Variants in KPNA7 observed in about 807,000 individuals in gnomAD.
KPNA7 encodes the protein karyopherin subunit alpha 7.
KPNA7 carries 54 observed loss-of-function variants against 53.7 expected under a neutral mutation model. The observed-to-expected ratio is 1.01, with a 90% CI of 0.81 to 1.26. The LOEUF (loss-of-function observed/expected upper bound fraction) is 1.26. Ranked by LOEUF, KPNA7 falls within the 50% of genes most tolerant of loss-of-function variation. KPNA7 has a pLI of 0.00. For missense variants in KPNA7, 640 were observed against 644.5 expected (o/e 0.99, Z 0.07); for synonymous variants, 276 against 259.3 (o/e 1.06, Z -0.62).
the KPNA7 span, among the ~76,000 whole-genome samples, chr7:99,156,815 A>C: frequency 2.6e-5 from 4 of 152,146 alleles, no homozygotes; most frequent in African/African-American, 4.8e-5. Flanking sequence ...ATGAGCCAAC[A>C]TGCCTGGCCT....
intron 2 of KPNA7, among the ~76,000 whole-genome samples, chr7:99,204,392 A>G (rs1352298819): frequency 6.7e-6 from 1 of 149,822 alleles, no homozygotes; most frequent in East Asian, 2.0e-4. Flanking sequence ...TCTCTCTCTC[A>G]ATCTCTCTCT....
chr7:99,177,809 C>T (rs1798967487), intron 10 of KPNA7, 111 bp downstream of exon 10: 3 of 1,120,420 alleles, frequency 2.7e-6, no homozygotes, highest in South Asian at 1.6e-5. Flanking sequence ...GTGAAGACCA[C>T]CTGCCCAGTC....
upstream of KPNA7, among the ~76,000 whole-genome samples, chr7:99,208,979 C>A (rs1563091362): frequency 6.6e-6 from 1 of 152,004 alleles, no homozygotes; most frequent in African/African-American, 2.4e-5. Flanking sequence ...TGGGGAAACC[C>A]CATCTCTACT....
the KPNA7 span, among the ~76,000 whole-genome samples, chr7:99,163,383 A>ATAT: frequency 1.8e-3 from 74 of 40,822 alleles, 4 homozygotes; most frequent in South Asian, 8.3e-3. Context: ...ATATATATAT[A>ATAT]TTTTTTTTTT....
At chr7:99,205,447 C>G (rs1235205563) in intron 2 of KPNA7, among the ~76,000 whole-genome samples, 1 of 147,486 alleles carries the variant, frequency 6.8e-6, no homozygotes, top group Non-Finnish European at 1.5e-5. Context: ...TGATTTTGTT[C>G]CTGATGGTGG....
At chr7:99,146,506 G>A in the KPNA7 span, among the ~76,000 whole-genome samples, 3 of 152,126 alleles carry the variant, frequency 2.0e-5, no homozygotes, top group Admixed American at 6.6e-5. Flanking sequence ...CTGCGAGCAG[G>A]AGTTCGAGAC....
Position 99,203,161 on chromosome 7 carries a change from T to G in KPNA7, c.146A>C (p.Asn49Thr), listed in dbSNP as rs992787844. ...KKDEQTLKRR[N>T]ITSFCPDTPS... ...TGTGTCAGGGCAGAAGCTCGTGATA[T>G]TCCTTCTCTTTAAGGTCTGTTCATC... is the stretch of plus-strand genomic sequence containing the variant. The change falls in exon 3 of 11, where the codon AAT (asparagine) becomes ACT (threonine). Residue 49 changes from asparagine (N) to threonine (T), a missense_variant. Asn to Thr is a moderately conservative substitution (Grantham distance 65, BLOSUM62 0). Coordinates refer to ENST00000327442, the MANE Select transcript of KPNA7 (RefSeq NM_001145715.3). The G allele has an allele frequency of 6.4e-7, 1 of 1,551,522 alleles. No individual in the cohort carries two copies. The highest frequency in any genetic ancestry group is 1.4e-5 in the African/African-American group (1 of 73,040).
chr7:99,150,274 T>C, the KPNA7 span, among the ~76,000 whole-genome samples: 1 of 152,002 alleles, frequency 6.6e-6, no homozygotes, highest in Non-Finnish European at 1.5e-5. Flanking sequence ...TTTTATATTT[T>C]TAGTAGAGAC....
chr7:99,201,674 G>A (rs77329548), intron 3 of KPNA7, among the ~76,000 whole-genome samples: 2 of 141,846 alleles, frequency 1.4e-5, no homozygotes, highest in Non-Finnish European at 3.1e-5. Context: ...AAAAAAAAAA[G>A]CTAATATGGG....
intron 7 of KPNA7, among the ~76,000 whole-genome samples, chr7:99,185,604 T>A (rs1789539237): frequency 1.3e-5 from 2 of 152,170 alleles, no homozygotes; most frequent in African/African-American, 4.8e-5. Flanking sequence ...GTGCTGGGAT[T>A]ACAATCATGA....
At position 99,200,334 on chromosome 7, in the gene KPNA7, G is replaced by A. The variant is rs77873808; in HGVS notation, c.201+2772C>T. Among the ~76,000 whole-genome samples, 135 of 152,182 alleles carry A rather than the reference G, an allele frequency of 8.9e-4. 1 individual carries two copies. In the East Asian group the frequency reaches 0.022, roughly 25 times the overall value. ...ATTACAGGCATGAGCCACCATGCCC[G>A]GCATCTGCTTTTGTCATCACATTGC... On this transcript the variant is annotated intron_variant, in intron 3 of 10. Transcript: ENST00000327442.
At position 99,188,255 on chromosome 7, in the gene KPNA7, T is replaced by G. The variant is rs1368864084; in HGVS notation, c.900+45A>C. 7 of 1,498,964 alleles carry G rather than the reference T, an allele frequency of 4.7e-6. No homozygotes were observed. In the South Asian group the frequency reaches 8.4e-5, roughly 18 times the overall value. 92.9% of individuals were successfully genotyped at this position (1,498,964 alleles called of 1,614,324 possible). ...TTGCCCCAGAACCTGCTAAAGTGAC[T>G]ATGACCCGAGGACTCGAATCCACAG... On this transcript the variant is annotated intron_variant, in intron 7 of 10. Coordinates refer to ENST00000327442, the MANE Select transcript of KPNA7 (RefSeq NM_001145715.3).
chr7:99,176,214 C>T (rs1489161139), intron 10 of KPNA7, among the ~76,000 whole-genome samples: 3 of 149,058 alleles, frequency 2.0e-5, no homozygotes, highest in East Asian at 4.0e-4. Context: ...AGGAGAATGA[C>T]GTGAACCCAG....
In KPNA7 at chr7:99,183,188, G is replaced by A. The variant is rs369845695; in HGVS notation, c.1135-1123C>T. Among the ~76,000 whole-genome samples the A allele has an allele frequency of 4.6e-5, 7 of 152,228 alleles. No homozygotes were observed. In the East Asian group the frequency reaches 1.3e-3, roughly 29 times the overall value. ...AATCACTTGAACTCAGGAGGCAGAG[G>A]TTGCAGTGAGCCAAAATTGTCCCAC... is the stretch of plus-strand genomic sequence containing the variant. On this transcript the variant is annotated intron_variant, in intron 8 of 10. Coordinates refer to ENST00000327442, the MANE Select transcript of KPNA7 (RefSeq NM_001145715.3).
At chr7:99,217,634 T>A in intron 1 of KPNA7, among the ~76,000 whole-genome samples, 1 of 134,550 alleles carries the variant, frequency 7.4e-6, no homozygotes, top group Non-Finnish European at 1.6e-5. Context: ...TTTTTTTTTT[T>A]TTTTTTTTTT....
chr7:99,214,871 A>G (rs1791176490), intron 1 of KPNA7, among the ~76,000 whole-genome samples: 2 of 152,020 alleles, frequency 1.3e-5, no homozygotes, highest in South Asian at 2.1e-4. Flanking sequence ...CCACTTCTGA[A>G]ATACCTGCTC....
At chr7:99,182,301 G>A (rs1236437489) in intron 8 of KPNA7, among the ~76,000 whole-genome samples, 3 of 152,116 alleles carry the variant, frequency 2.0e-5, no homozygotes, top group Admixed American at 1.3e-4. Context: ...AGGTTCAAGC[G>A]ATTCTCCTGC....
chr7:99,184,864 A>C lies in KPNA7; in HGVS notation c.1134+65T>G, dbSNP rs751236648. 4 of 1,330,078 alleles carry C rather than the reference A, an allele frequency of 3.0e-6. No homozygotes were observed. In the African/African-American group the frequency reaches 5.8e-5, roughly 19 times the overall value. 82.4% of individuals were successfully genotyped at this position (1,330,078 alleles called of 1,614,324 possible). On this transcript the variant is annotated intron_variant, in intron 8 of 10. Transcript: ENST00000327442. ...TTCTGCACCTGTGTCTGGATTCCTG[A>C]AGGAGTTCAACCCAGGGCTATTGGA...
intron 2 of KPNA7, among the ~76,000 whole-genome samples, chr7:99,205,237 C>T (rs971173297): frequency 6.7e-6 from 1 of 150,100 alleles, no homozygotes; most frequent in Non-Finnish European, 1.5e-5. Flanking sequence ...TCCTGGCCAA[C>T]ATGTTGAAAC....
Sources: allele counts gnomAD v4.1 joint callset (sites outside exome capture counted in the v4.1 genomes callset), GRCh38; gene constraint gnomAD v4.1.1; transcripts MANE v1.5; gene names NCBI Gene and HGNC (gene_info 2026-07-23, HGNC 2026-07-21).